SEC23A: variants seen among roughly 807,000 people sequenced by gnomAD.
SEC23A encodes the protein protein transport protein Sec23A.
In SEC23A, 56 loss-of-function variants were observed where a neutral mutation model predicts 103.7. The observed-to-expected ratio is 0.54, with a 90% confidence interval of 0.44 to 0.67. The LOEUF is 0.67. SEC23A is among the 30% of genes least tolerant of loss of function. The pLI is 0.00. For missense variants in SEC23A, 784 were observed against 936.4 expected, an observed-to-expected ratio of 0.84 and a Z score of 2.12; for synonymous variants, 281 against 293.0, an observed-to-expected ratio of 0.96 and a Z score of 0.42.
chr14:39,091,370 A>G (rs1887656742), intron 5 of SEC23A, 107 bp downstream of exon 5: 1 of 757,830 alleles, frequency 1.3e-6, no homozygotes, highest in Non-Finnish European at 2.3e-6. Context: ...ATACAATTAT[A>G]TTAGTTATTC....
At chr14:39,102,217 G>A (rs563684463) in intron 1 of SEC23A, among the ~76,000 whole-genome samples, 23 of 151,688 alleles carry the variant, frequency 1.5e-4, no homozygotes, top group African/African-American at 5.3e-4. Context: ...GGGCGACAAA[G>A]CAAGACTCCG....
rs562449901 is a variant in SEC23A at position 39,056,956 on chromosome 14, A to C, written c.1506-1660T>G. Among the ~76,000 whole-genome samples, 17 of 152,008 alleles carry C rather than the reference A, an allele frequency of 1.1e-4. No homozygotes were observed. The East Asian group carries it at 1.7e-3, about 16-fold the overall frequency. On this transcript the variant is annotated intron_variant, in intron 13 of 19. Transcript: ENST00000307712. ...CACACATCTATAGTCCCAGTTATTCAGGAGGCTAAGGTGGGAGAATCACTT... is the reference window on the plus strand; with the variant it reads ...CACACATCTATAGTCCCAGTTATTCCGGAGGCTAAGGTGGGAGAATCACTT...
In SEC23A at chr14:39,065,997, C is replaced by CAAAAAAAAAAAA. The variant is rs59260008; in HGVS notation, c.1228-1016_1228-1005dup. Among the ~76,000 whole-genome samples, 44 of 80,478 alleles carry CAAAAAAAAAAAA rather than the reference C, an allele frequency of 5.5e-4. 2 individuals carry two copies. Among genetic ancestry groups the CAAAAAAAAAAAA allele is most frequent in the African/African-American group, 8.9e-4 (17 of 19,122 alleles). The allele number at this position is 80,478 out of a possible 152,430, so 52.8% of individuals were successfully genotyped here. A position where few individuals can be genotyped will look rare whatever the true frequency, so the allele number is the denominator to read the frequency against. On this transcript the variant is annotated intron_variant, in intron 10 of 19. Coordinates refer to ENST00000307712, the MANE Select transcript of SEC23A (RefSeq NM_006364.4). The stretch of plus-strand genomic sequence containing the variant: ...GGGCAATAAGAGCGAAACTCCATCT[C>CAAAAAAAAAAAA]AAAAAAAAAAAAAAAAAAAAAAAAA...
chr14:39,044,726 A>G (rs1885770753), intron 16 of SEC23A, among the ~76,000 whole-genome samples: 2 of 152,244 alleles, frequency 1.3e-5, no homozygotes, highest in African/African-American at 2.4e-5. Flanking sequence ...ATGTTCTCAA[A>G]AAAACAAAGG....
intron 9 of SEC23A, among the ~76,000 whole-genome samples, chr14:39,068,999 T>C (rs1359942840): frequency 6.6e-6 from 1 of 152,182 alleles, no homozygotes; most frequent in Non-Finnish European, 1.5e-5. Flanking sequence ...TACCAATAGT[T>C]TATAAATTCT....
chr14:39,067,604 T>C (rs1427241126), intron 9 of SEC23A, among the ~76,000 whole-genome samples: 2 of 151,284 alleles, frequency 1.3e-5, no homozygotes. Flanking sequence ...TACAGAAGAG[T>C]ATATAGTAAC....
chr14:39,101,578 G>A (rs1231377661), intron 1 of SEC23A, among the ~76,000 whole-genome samples: 2 of 149,642 alleles, frequency 1.3e-5, no homozygotes, highest in Admixed American at 6.7e-5. Flanking sequence ...AGCCGAAATC[G>A]TTCCACTGCA....
intron 4 of SEC23A, 88 bp downstream of exon 4, chr14:39,092,453 G>A: frequency 1.2e-6 from 1 of 823,660 alleles, no homozygotes; most frequent in South Asian, 1.5e-5. Flanking sequence ...TGAGAATTAA[G>A]CATGATTCCT....
At chr14:39,076,891 C>T (rs1168479004) in intron 7 of SEC23A, among the ~76,000 whole-genome samples, 1 of 150,128 alleles carries the variant, frequency 6.7e-6, no homozygotes, top group Non-Finnish European at 1.5e-5. Context: ...CACGCCACTG[C>T]ACTCCAGCCT....
intron 2 of SEC23A, among the ~76,000 whole-genome samples, chr14:39,095,470 G>T (rs543352109): frequency 6.6e-6 from 1 of 152,124 alleles, no homozygotes; most frequent in Non-Finnish European, 1.5e-5. Flanking sequence ...GCTAAGTTTT[G>T]TATTTTTAGT....
At chr14:39,075,121 A>G (rs1886971979) in intron 8 of SEC23A, among the ~76,000 whole-genome samples, 1 of 152,136 alleles carries the variant, frequency 6.6e-6, no homozygotes. Context: ...AAAAAGAAAG[A>G]AAAACAACAG....
chr14:39,094,906 C>A, intron 2 of SEC23A: 1 of 661,786 alleles, frequency 1.5e-6, no homozygotes, highest in South Asian at 1.7e-5. Context: ...CTTTATAGAT[C>A]TTGATAAGGA....
At chr14:39,093,506 T>C (rs1037983466) in intron 2 of SEC23A, among the ~76,000 whole-genome samples, 5 of 152,196 alleles carry the variant, frequency 3.3e-5, no homozygotes, top group African/African-American at 1.2e-4. Context: ...ACGCCTGTAA[T>C]CTCAGCACTT....
chr14:39,098,818 G>T (rs1201784092), intron 1 of SEC23A, among the ~76,000 whole-genome samples: 1 of 149,134 alleles, frequency 6.7e-6, no homozygotes, highest in Non-Finnish European at 1.5e-5. Context: ...TCAGAACAGG[G>T]ATGACTACAT....
At chr14:39,055,354 A>G (rs1259796355) in intron 13 of SEC23A, 58 bp from the exon 14 acceptor site, 2 of 1,533,622 alleles carry the variant, frequency 1.3e-6, no homozygotes, top group Admixed American at 3.4e-5. Flanking sequence ...ACAATATCAT[A>G]GTTGGCTACC....
At chr14:39,083,009 C>T (rs1887279917) in intron 7 of SEC23A, among the ~76,000 whole-genome samples, 2 of 152,042 alleles carry the variant, frequency 1.3e-5, no homozygotes, top group South Asian at 2.1e-4. Context: ...TGAATGGGGT[C>T]TGAGAATTAG....
intron 11 of SEC23A, among the ~76,000 whole-genome samples, chr14:39,063,651 A>C (rs969013210): frequency 1.3e-5 from 2 of 152,200 alleles, no homozygotes; most frequent in Non-Finnish European, 2.9e-5. Context: ...ATTCTTGCTA[A>C]GTAAATTACA....
Position 39,042,582 on chromosome 14 carries a change from CAAAT to C in SEC23A, c.1986+200_1986+203del, listed in dbSNP as rs140632104. Among the ~76,000 whole-genome samples, 947 of 152,272 alleles carry C rather than the reference CAAAT, an allele frequency of 6.2e-3. 8 individuals are homozygous for C. The highest frequency in any genetic ancestry group is 0.021 in the African/African-American group (879 of 41,542). ...CTTTGCGCAAAATCCAATTGTGTGA[CAAAT>C]GAATAAAATAATCACATGTGGGTCA... On this transcript the variant is annotated intron_variant, in intron 17 of 19. Transcript: ENST00000307712.
chr14:39,097,252 CAG>C (rs1429249831), intron 1 of SEC23A, among the ~76,000 whole-genome samples: 1 of 152,184 alleles, frequency 6.6e-6, no homozygotes, highest in Non-Finnish European at 1.5e-5. Flanking sequence ...ACGTAGGCAA[CAG>C]CTCTATCTCA....
Sources: gnomAD v4.1 joint callset for allele counts (sites outside exome capture counted in the v4.1 genomes callset) on GRCh38, gnomAD v4.1.1 for gene constraint, MANE v1.5 for transcripts, NCBI Gene and HGNC (gene_info 2026-07-23, HGNC 2026-07-21) for gene names.